The following MAP3K13 variants were observed in gnomAD, a reference collection of about 807,000 sequenced individuals.
MAP3K13 encodes mitogen-activated protein kinase kinase kinase 13, also known as leucine zipper-bearing kinase.
Under a neutral mutation model 104.0 loss-of-function variants are expected in MAP3K13, and 52 were observed. That is an observed-to-expected ratio of 0.50 (90% CI 0.40 to 0.63). The LOEUF is 0.63. MAP3K13 is among the 20% of genes least tolerant of loss of function. MAP3K13 has a pLI of 0.00. For missense variants in MAP3K13, 914 were observed against 1,218.5 expected (o/e 0.75, Z 3.72); for synonymous variants, 394 against 442.2 (o/e 0.89, Z 1.37).
chr3:185,438,315 A>G (rs1715154486), intron 3 of MAP3K13, among the ~76,000 whole-genome samples: 1 of 151,324 alleles, frequency 6.6e-6, no homozygotes, highest in African/African-American at 2.4e-5. Flanking sequence ...AGAAAGAAGA[A>G]AGAAAGAAAG....
At chr3:185,453,773 A>C (rs1180572576) in intron 7 of MAP3K13, among the ~76,000 whole-genome samples, 1 of 143,718 alleles carries the variant, frequency 7.0e-6, no homozygotes, top group Non-Finnish European at 1.5e-5. Context: ...CGTCTAAAAA[A>C]AAAAAAAATT....
intron 3 of MAP3K13, among the ~76,000 whole-genome samples, chr3:185,438,999 A>T (rs1000939213): frequency 3.9e-5 from 6 of 152,224 alleles, no homozygotes; most frequent in Admixed American, 3.3e-4. Context: ...TCCTTCCTTG[A>T]TAAAACTCTG....
At chr3:185,412,452 T>G (rs923449127) in intron 1 of MAP3K13, among the ~76,000 whole-genome samples, 1 of 152,146 alleles carries the variant, frequency 6.6e-6, no homozygotes, top group African/African-American at 2.4e-5. Flanking sequence ...AAATTGAAAC[T>G]ACCCTCAATG....
At position 185,487,647 on chromosome 3, in the gene MAP3K13, AATATTT is replaced by A. The variant is rs1718784575; in HGVS notation, c.*5195_*5200del. 1 of 152,032 alleles carries A rather than the reference AATATTT, an allele frequency of 6.6e-6. No homozygotes were observed. The highest frequency in any genetic ancestry group is 2.4e-5 in the African/African-American group (1 of 41,336). 9.4% of individuals were successfully genotyped at this position (152,032 alleles called of 1,614,324 possible). A position where few individuals can be genotyped will look rare whatever the true frequency, so the allele number is the denominator to read the frequency against. The stretch of plus-strand genomic sequence containing the variant: ...CCTGGAACTGAATTCTCCAGAACAT[AATATTT>A]ATAATCCATAGAATTCCTGCCCTGC... On this transcript the variant is annotated 3_prime_UTR_variant, in exon 14 of 14. Coordinates refer to ENST00000265026, the MANE Select transcript of MAP3K13 (RefSeq NM_004721.5).
rs1373022900 is a variant in MAP3K13 at position 185,455,223 on chromosome 3, TG to T, written c.1278+3829del. Among the ~76,000 whole-genome samples the T allele has an allele frequency of 2.2e-4, 5 of 23,228 alleles. No homozygotes were observed. The East Asian group carries it at 3.4e-3, about 16-fold the overall frequency. The allele number at this position is 23,228 out of a possible 152,430, so 15.2% of individuals were successfully genotyped here. A position where few individuals can be genotyped will look rare whatever the true frequency, so the allele number is the denominator to read the frequency against. ...ATATGATATATATGAGATATATATA[TG>T]ATATATATGAGATATATATATGATA... On this transcript the variant is annotated intron_variant, in intron 7 of 13. Coordinates refer to ENST00000265026, the MANE Select transcript of MAP3K13 (RefSeq NM_004721.5).
rs1410245366 is a variant in MAP3K13, at chr3:185,473,478, G to A, written c.2147G>A (p.Gly716Asp). The change falls in exon 11 of 14, where the codon GGC (glycine) becomes GAC (aspartate). Residue 716 changes from glycine (G) to aspartate (D), a missense_variant. Transcript: ENST00000265026. This position sits in a 1 kb window ranked among gnomAD's most constrained non-coding sequence, Gnocchi z 4.9. ...DCWRSSEPDKGQAGPWGCCQA... is the reference protein window; with the variant it reads ...DCWRSSEPDKDQAGPWGCCQA... ...TGGAGAAGTTCTGAGCCTGACAAGG[G>A]CCAAGCTGGTCCCTGGGGCTGTTGC... 7 of 1,614,190 alleles carry A rather than the reference G, an allele frequency of 4.3e-6. No individual in the cohort carries two copies. In the Admixed American group the frequency reaches 1.2e-4, roughly 27 times the overall value.
At chr3:185,316,008 A>G (rs918298892) in intron 2 of MAP3K13, among the ~76,000 whole-genome samples, 2 of 152,188 alleles carry the variant, frequency 1.3e-5, no homozygotes, top group Admixed American at 6.5e-5. Flanking sequence ...ATGAAATTGT[A>G]TCTTAGAGGG....
chr3:185,327,798 G>A (rs1165182761), intron 2 of MAP3K13, among the ~76,000 whole-genome samples: 1 of 152,098 alleles, frequency 6.6e-6, no homozygotes, highest in Non-Finnish European at 1.5e-5. Context: ...TGTAGTCTCA[G>A]GTATTCGGGA....
chr3:185,398,437 G>A (rs1416520245), intron 1 of MAP3K13, among the ~76,000 whole-genome samples: 5 of 152,070 alleles, frequency 3.3e-5, no homozygotes, highest in African/African-American at 1.2e-4. Flanking sequence ...TATTCCTATT[G>A]AATCTCACTA....
At chr3:185,339,727 TG>T (rs1404401811) in intron 2 of MAP3K13, among the ~76,000 whole-genome samples, 1 of 152,242 alleles carries the variant, frequency 6.6e-6, no homozygotes, top group Non-Finnish European at 1.5e-5. Context: ...TGTGTTCTAA[TG>T]AAGTGTTATT....
intron 2 of MAP3K13, among the ~76,000 whole-genome samples, chr3:185,294,665 G>T (rs866001301): frequency 3.3e-5 from 5 of 152,138 alleles, no homozygotes; most frequent in South Asian, 2.1e-4. Context: ...GGCATAAAAG[G>T]CTCATTACTA....
intron 2 of MAP3K13, among the ~76,000 whole-genome samples, chr3:185,290,839 T>A (rs1051215380): frequency 6.6e-6 from 1 of 152,106 alleles, no homozygotes; most frequent in African/African-American, 2.4e-5. Context: ...TTTAGGCAGG[T>A]TTATACAAGC....
At chr3:185,384,590 A>T (rs1711571908) in intron 1 of MAP3K13, among the ~76,000 whole-genome samples, 2 of 152,164 alleles carry the variant, frequency 1.3e-5, no homozygotes, top group South Asian at 4.1e-4. Flanking sequence ...CCAACAGTGT[A>T]TAAGAGTTTC....
chr3:185,330,128 C>T (rs1356605853), intron 2 of MAP3K13, among the ~76,000 whole-genome samples: 2 of 149,384 alleles, frequency 1.3e-5, no homozygotes, highest in Non-Finnish European at 3.0e-5. Flanking sequence ...GTCTCGATCT[C>T]CTGACCTCGT....
At chr3:185,386,777 A>T (rs1195225759) in intron 1 of MAP3K13, among the ~76,000 whole-genome samples, 1 of 152,254 alleles carries the variant, frequency 6.6e-6, no homozygotes, top group African/African-American at 2.4e-5. Context: ...GGAGGCCATT[A>T]TCTTTAGCAA....
chr3:185,402,268 C>T (rs990684054), intron 1 of MAP3K13, among the ~76,000 whole-genome samples: 2 of 152,184 alleles, frequency 1.3e-5, no homozygotes, highest in Non-Finnish European at 2.9e-5. Context: ...GGCCTTAGCA[C>T]ATACAAATTA....
intron 1 of MAP3K13, among the ~76,000 whole-genome samples, chr3:185,375,621 G>T (rs565113783): frequency 6.6e-6 from 1 of 152,154 alleles, no homozygotes; most frequent in Non-Finnish European, 1.5e-5. Flanking sequence ...GGAGTGGCCC[G>T]ATGAGAAGGA....
rs916146596 is a variant in MAP3K13 at position 185,418,801 on chromosome 3, G to T, written c.-85-9696G>T. On this transcript the variant is annotated intron_variant, in intron 1 of 13. Transcript: ENST00000265026. This position sits in a 1 kb window ranked among gnomAD's most constrained non-coding sequence, Gnocchi z 4.5. ...CATGGCGGAGAGAGGAGACAGCCAC[G>T]CTCCTCTCAGCCCGGCTGCTGCCAC... is the stretch of plus-strand genomic sequence containing the variant. 4 of 1,583,186 alleles carry T rather than the reference G, an allele frequency of 2.5e-6. No homozygotes were observed. The highest frequency in any genetic ancestry group is 2.2e-5 in the South Asian group (2 of 88,974).
intron 9 of MAP3K13, 98 bp downstream of exon 9, chr3:185,465,961 A>T: frequency 1.1e-6 from 1 of 895,422 alleles, no homozygotes. Context: ...GAACTGGCAG[A>T]TATTTTATTC....
Sources: allele counts gnomAD v4.1 joint callset (sites outside exome capture counted in the v4.1 genomes callset), GRCh38; gene constraint gnomAD v4.1.1; non-coding constraint Gnocchi (gnomAD v3.1); transcripts MANE v1.5; gene names NCBI Gene and HGNC (gene_info 2026-07-23, HGNC 2026-07-21).